Variants in TUBGCP3 observed in about 807,000 individuals in gnomAD.
TUBGCP3 encodes tubulin gamma complex component 3, also known as gamma-tubulin complex component 3.
A neutral mutation model predicts 123.1 loss-of-function variants in TUBGCP3; 50 were observed. The ratio of observed to expected loss-of-function variants is 0.41; its 90% CI spans 0.32 to 0.51. TUBGCP3 has a LOEUF of 0.51. Ranked by LOEUF, TUBGCP3 falls within the 20% of genes least tolerant of loss-of-function variation. The pLI is 0.36. For missense variants in TUBGCP3, 882 were observed against 1,127.0 expected, an observed-to-expected ratio of 0.78 and a Z score of 3.11; for synonymous variants, 405 against 413.9, an observed-to-expected ratio of 0.98 and a Z score of 0.26.
At chr13:112,549,380 T>C (rs1181656967) in intron 8 of TUBGCP3, among the ~76,000 whole-genome samples, 2 of 152,186 alleles carry the variant, frequency 1.3e-5, no homozygotes, top group East Asian at 1.9e-4. Flanking sequence ...ATTTACCTAA[T>C]GTAAATGACA....
chr13:112,527,891 C>T (rs2139094616), intron 11 of TUBGCP3, among the ~76,000 whole-genome samples: 1 of 152,328 alleles, frequency 6.6e-6, no homozygotes, highest in South Asian at 2.1e-4. Context: ...TTTTGCAAAG[C>T]CCCAAAGCCT....
chr13:112,556,572 CT>C (rs1880065068), intron 5 of TUBGCP3, among the ~76,000 whole-genome samples: 1 of 152,160 alleles, frequency 6.6e-6, no homozygotes, highest in African/African-American at 2.4e-5. Flanking sequence ...CCCATAACCA[CT>C]TTGAAATTCT....
chr13:112,554,228 A>G (rs745794802), intron 7 of TUBGCP3, 46 bp from the exon 8 acceptor site: 1 of 1,602,910 alleles, frequency 6.2e-7, no homozygotes, highest in South Asian at 1.1e-5. Context: ...AAGCAATACT[A>G]GAGCTTTAAT....
At position 112,520,004 on chromosome 13, in the gene TUBGCP3, G is replaced by C; in HGVS notation, c.1763C>G (p.Pro588Arg). ...MDLLKPELVR[P>R]ATTLYQHNLT... is the part of the protein sequence containing the mutation. ...GTTATGCTGATACAAAGTCGTAGCT[G>C]GACGGACAAGTTCTGGTCTTAACAA... The change falls in exon 15 of 22, where the codon CCA (proline) becomes CGA (arginine). Residue 588 changes from proline to arginine, a missense_variant. Physicochemically the swap from Pro to Arg is moderately radical, Grantham distance 103. This residue lies in a region of TUBGCP3 where 713 missense variants were observed against 874.0 expected (regional missense o/e 0.82). Transcript: ENST00000261965. 1 of 1,613,320 alleles carries C rather than the reference G, an allele frequency of 6.2e-7. No individual in the cohort carries two copies. Among genetic ancestry groups the C allele is most frequent in the Non-Finnish European group, 8.5e-7 (1 of 1,179,598 alleles).
rs577644783 is a variant in TUBGCP3 at position 112,524,280 on chromosome 13, T to A, written c.1556-1771A>T. ...TGTCTTGGTTTTTTGTGTATTTTTT[T>A]AGTGGCTGCCTTTTTTTAAGTGTTT... is the stretch of plus-strand genomic sequence containing the variant. On this transcript the variant is annotated intron_variant, in intron 13 of 21. Coordinates refer to ENST00000261965, the MANE Select transcript of TUBGCP3 (RefSeq NM_006322.6). The surrounding 1 kb of genome is among the most constrained non-coding windows in gnomAD (Gnocchi z 4.4). Among the ~76,000 whole-genome samples, 15 of 152,370 alleles carry A rather than the reference T, an allele frequency of 9.8e-5. No homozygotes were observed. The highest frequency in any genetic ancestry group is 3.6e-4 in the African/African-American group (15 of 41,586).
intron 11 of TUBGCP3, among the ~76,000 whole-genome samples, chr13:112,536,647 T>G (rs1291409609): frequency 6.6e-6 from 1 of 152,242 alleles, no homozygotes; most frequent in Non-Finnish European, 1.5e-5. Context: ...GCTTGTATCC[T>G]GCCAATGTGG....
At chr13:112,533,275 C>G (rs1015893566) in intron 11 of TUBGCP3, among the ~76,000 whole-genome samples, 1 of 152,214 alleles carries the variant, frequency 6.6e-6, no homozygotes, top group African/African-American at 2.4e-5. Flanking sequence ...AGGCATCCAC[C>G]GACTCCCAGG....
intron 3 of TUBGCP3, among the ~76,000 whole-genome samples, chr13:112,559,795 G>A (rs941634903): frequency 1.3e-5 from 2 of 152,070 alleles, no homozygotes; most frequent in African/African-American, 4.8e-5. Flanking sequence ...TCCCATTTAA[G>A]CCACAAGCAC....
chr13:112,554,219 A>C, intron 7 of TUBGCP3, 37 bp from the exon 8 acceptor site: 1 of 1,609,456 alleles, frequency 6.2e-7, no homozygotes, highest in South Asian at 1.1e-5. Flanking sequence ...AACATTAAAA[A>C]GCAATACTAG....
In TUBGCP3 at chr13:112,511,657, G is replaced by C. The variant is rs114882995; in HGVS notation, c.2086+4783C>G. On this transcript the variant is annotated intron_variant, in intron 17 of 21. Transcript: ENST00000261965. This position sits in a 1 kb window ranked among gnomAD's most constrained non-coding sequence, Gnocchi z 4.1. Reference sequence around the variant, plus strand: ...TGTATCTTAGAAGTGATACAATATGGTTAAAAGGAAAACCAAAAAAAAAAT... The same window carrying C: ...TGTATCTTAGAAGTGATACAATATGCTTAAAAGGAAAACCAAAAAAAAAAT... Among the ~76,000 whole-genome samples, 943 of 148,954 alleles carry C rather than the reference G, an allele frequency of 6.3e-3. 9 individuals are homozygous for C. Among genetic ancestry groups the C allele is most frequent in the African/African-American group, 0.023 (897 of 38,810 alleles).
At chr13:112,497,328 C>G (rs753806802) in intron 20 of TUBGCP3, among the ~76,000 whole-genome samples, 8 of 152,182 alleles carry the variant, frequency 5.3e-5, no homozygotes, top group African/African-American at 1.7e-4. Context: ...CCAGGAGCTT[C>G]TGTGTGCCAA....
the TUBGCP3 span, among the ~76,000 whole-genome samples, chr13:112,600,506 A>C: frequency 6.6e-6 from 1 of 152,202 alleles, no homozygotes; most frequent in Admixed American, 6.5e-5. Context: ...AAAAACTCCT[A>C]TCTTTCAGGA....
intron 11 of TUBGCP3, among the ~76,000 whole-genome samples, chr13:112,532,492 C>T (rs1877663672): frequency 6.6e-6 from 1 of 152,194 alleles, no homozygotes; most frequent in Non-Finnish European, 1.5e-5. Flanking sequence ...TCTTTTCTTG[C>T]TGCTAGTTGA....
At chr13:112,538,691 A>C (rs1878263286) in intron 11 of TUBGCP3, among the ~76,000 whole-genome samples, 1 of 152,230 alleles carries the variant, frequency 6.6e-6, no homozygotes, top group African/African-American at 2.4e-5. Context: ...TTATAAAAAG[A>C]AGCATTTTCT....
chr13:112,547,403 C>A lies in TUBGCP3; in HGVS notation c.1168+217G>T, dbSNP rs1044571371. 3.5e-5 allele frequency: 25 copies of A among 718,674 alleles called. No individual in the cohort carries two copies. In the East Asian group the frequency reaches 8.1e-4, roughly 23 times the overall value. The allele number at this position is 718,674 out of a possible 1,614,324, so 44.5% of individuals were successfully genotyped here. On this transcript the variant is annotated intron_variant, in intron 10 of 21. Transcript: ENST00000261965. ...TTGGCTCCCATCTGTCGATTCCTAT[C>A]GAATCAACACGGCCATTAAGGACAA...
Position 112,511,294 on chromosome 13 carries a change from T to C in TUBGCP3, c.2086+5146A>G, listed in dbSNP as rs1053630515. Among the ~76,000 whole-genome samples the C allele has an allele frequency of 6.6e-6, 1 of 152,154 alleles. No individual in the cohort carries two copies. The highest frequency in any genetic ancestry group is 2.4e-5 in the African/African-American group (1 of 41,438). ...ACCTGCCTTTCCTGGTAAGATAAAATCTGCGGTGCTGCTTTACATGGAAAA... is the reference window on the plus strand; with the variant it reads ...ACCTGCCTTTCCTGGTAAGATAAAACCTGCGGTGCTGCTTTACATGGAAAA... On this transcript the variant is annotated intron_variant, in intron 17 of 21. Transcript: ENST00000261965. This position sits in a 1 kb window ranked among gnomAD's most constrained non-coding sequence, Gnocchi z 4.1.
At chr13:112,541,629 T>C (rs940255252) in intron 11 of TUBGCP3, among the ~76,000 whole-genome samples, 2 of 149,054 alleles carry the variant, frequency 1.3e-5, no homozygotes, top group Non-Finnish European at 3.0e-5. Flanking sequence ...TTGTGAAAAA[T>C]ATGCAAACTA....
chr13:112,548,594 A>G (rs912003905), intron 8 of TUBGCP3, among the ~76,000 whole-genome samples: 1 of 152,232 alleles, frequency 6.6e-6, no homozygotes, highest in African/African-American at 2.4e-5. Context: ...CTTCTGACAA[A>G]GGGCTAATAT....
intron 1 of TUBGCP3, among the ~76,000 whole-genome samples, chr13:112,576,685 T>C (rs1881837900): frequency 6.6e-6 from 1 of 151,942 alleles, no homozygotes; most frequent in African/African-American, 2.4e-5. Flanking sequence ...CAATAAAAAC[T>C]GTCAAAGAAA....
Sources: gnomAD v4.1 joint callset for allele counts (sites outside exome capture counted in the v4.1 genomes callset) on GRCh38, gnomAD v4.1.1 for gene constraint, gnomAD v4.1.1 regional missense constraint, Gnocchi (gnomAD v3.1) non-coding constraint, MANE v1.5 for transcripts, NCBI Gene and HGNC (gene_info 2026-07-23, HGNC 2026-07-21) for gene names.